Variants in DYNC1I1 observed in about 807,000 individuals in gnomAD.
The protein encoded by DYNC1I1 is cytoplasmic dynein 1 intermediate chain 1.
In DYNC1I1, 43 loss-of-function variants were observed where a neutral mutation model predicts 86.6. The ratio of observed to expected loss-of-function variants is 0.50; its 90% CI spans 0.39 to 0.64. DYNC1I1 has a LOEUF of 0.64. Among genes scored for constraint, DYNC1I1 ranks in the 30% least tolerant of loss-of-function variants. The probability of loss-of-function intolerance (pLI) is 0.00; values close to 1 mark genes in which losing one functional copy is unlikely to be tolerated. For missense variants in DYNC1I1, 604 were observed against 788.8 expected (o/e 0.77, Z 2.81); for synonymous variants, 262 against 283.7 (o/e 0.92, Z 0.77).
chr7:95,882,044 A>G (rs1278187465), intron 6 of DYNC1I1, among the ~76,000 whole-genome samples: 1 of 152,146 alleles, frequency 6.6e-6, no homozygotes, highest in African/African-American at 2.4e-5. Flanking sequence ...CAGCAGAACC[A>G]TTTAAAATTT....
chr7:96,080,640 T>C, intron 16 of DYNC1I1, 152 bp downstream of exon 16: 2 of 1,211,770 alleles, frequency 1.7e-6, no homozygotes, highest in Non-Finnish European at 2.4e-6. Flanking sequence ...TTGGCGAGAC[T>C]TCCTTAGGGC....
Position 95,949,511 on chromosome 7 carries a change from A to T in DYNC1I1, c.491-28001A>T, listed in dbSNP as rs186297712. 7.7e-4 allele frequency among the ~76,000 whole-genome samples: 117 copies of T among 152,342 alleles called. 1 individual carries two copies. The Middle Eastern group carries it at 0.01, about 13-fold the overall frequency. On this transcript the variant is annotated intron_variant, in intron 6 of 16. Transcript: ENST00000447467. ...TAACTTAAGCCTGGCTCACCAGAGT[A>T]TCTCGCTTTTAATGAAGAATTGCTT...
chr7:95,812,684 A>T (rs1046881008), intron 3 of DYNC1I1, among the ~76,000 whole-genome samples: 18 of 152,124 alleles, frequency 1.2e-4, no homozygotes, highest in Non-Finnish European at 1.9e-4. Flanking sequence ...TTCAACATTT[A>T]CCCTTTCTCT....
intron 4 of DYNC1I1, among the ~76,000 whole-genome samples, chr7:95,827,807 A>G (rs1795234233): frequency 1.3e-5 from 2 of 152,098 alleles, no homozygotes; most frequent in African/African-American, 2.4e-5. Context: ...GAGTTTGAAC[A>G]CTTGGTCTCA....
chr7:95,881,564 T>C (rs1790455877), intron 6 of DYNC1I1, among the ~76,000 whole-genome samples: 2 of 152,234 alleles, frequency 1.3e-5, no homozygotes, highest in African/African-American at 2.4e-5. Flanking sequence ...TGGGAACAAA[T>C]GATCTCTTTC....
chr7:96,006,278 G>A (rs545122015), intron 10 of DYNC1I1, among the ~76,000 whole-genome samples: 4 of 152,204 alleles, frequency 2.6e-5, no homozygotes, highest in South Asian at 2.1e-4. Context: ...GCGAGCATTC[G>A]AGAGAATCCA....
intron 14 of DYNC1I1, among the ~76,000 whole-genome samples, chr7:96,074,640 A>C (rs1790277721): frequency 6.6e-6 from 1 of 151,956 alleles, no homozygotes; most frequent in Admixed American, 6.6e-5. Flanking sequence ...AAGAGAACTC[A>C]CAGTTACTAC....
intron 15 of DYNC1I1, among the ~76,000 whole-genome samples, chr7:96,076,980 A>AT (rs988826664): frequency 5.9e-5 from 9 of 151,640 alleles, no homozygotes; most frequent in Middle Eastern, 3.4e-3. Context: ...AGCTACTTGG[A>AT]TTTTTTTTTA....
At chr7:95,965,962 T>C (rs1447036186) in intron 6 of DYNC1I1, among the ~76,000 whole-genome samples, 1 of 152,292 alleles carries the variant, frequency 6.6e-6, no homozygotes, top group East Asian at 1.9e-4. Context: ...CTATTCCTTC[T>C]TTTTCATGTT....
chr7:95,951,866 T>C (rs1792568479), intron 6 of DYNC1I1, among the ~76,000 whole-genome samples: 1 of 152,236 alleles, frequency 6.6e-6, no homozygotes, highest in Non-Finnish European at 1.5e-5. Context: ...AGGAAGCACC[T>C]GTCCTGATGC....
At chr7:95,920,979 T>A (rs1211031776) in intron 6 of DYNC1I1, among the ~76,000 whole-genome samples, 3 of 152,188 alleles carry the variant, frequency 2.0e-5, no homozygotes, top group African/African-American at 7.2e-5. Flanking sequence ...ATGGCCGCTT[T>A]CACATTCAGT....
intron 5 of DYNC1I1, 62 bp from the exon 6 acceptor site, chr7:95,869,821 C>T: frequency 6.8e-7 from 1 of 1,472,840 alleles, no homozygotes; most frequent in East Asian, 2.3e-5. Flanking sequence ...TCTTTTATTA[C>T]TGATAGCTCT....
intron 6 of DYNC1I1, among the ~76,000 whole-genome samples, chr7:95,927,520 G>A (rs576231441): frequency 1.1e-4 from 17 of 152,246 alleles, no homozygotes; most frequent in Admixed American, 3.3e-4. Flanking sequence ...ATACTATATA[G>A]ATGTTAAATT....
chr7:95,830,116 T>C (rs759846776), intron 5 of DYNC1I1, among the ~76,000 whole-genome samples: 1 of 152,150 alleles, frequency 6.6e-6, no homozygotes, highest in Non-Finnish European at 1.5e-5. Flanking sequence ...TAGATTTTTC[T>C]AGAGAGTTTT....
At chr7:95,803,588 GACA>G (rs775420407) in intron 1 of DYNC1I1, among the ~76,000 whole-genome samples, 15 of 152,284 alleles carry the variant, frequency 9.9e-5, no homozygotes, top group South Asian at 2.1e-4. Context: ...ACCGTCTGGG[GACA>G]ACGACAAAAA....
chr7:95,821,823 T>A (rs1795082537), intron 4 of DYNC1I1, among the ~76,000 whole-genome samples: 1 of 152,214 alleles, frequency 6.6e-6, no homozygotes, highest in African/African-American at 2.4e-5. Context: ...AGAACTTTAC[T>A]AATTTAAATG....
chr7:95,877,155 G>A (rs113076392), intron 6 of DYNC1I1, among the ~76,000 whole-genome samples: 159 of 152,196 alleles, frequency 1.0e-3, no homozygotes, highest in African/African-American at 3.6e-3. Context: ...TCCTGGAAGA[G>A]GCAAGACATT....
At chr7:95,842,815 C>T (rs549570574) in intron 5 of DYNC1I1, among the ~76,000 whole-genome samples, 15 of 152,050 alleles carry the variant, frequency 9.9e-5, no homozygotes, top group Non-Finnish European at 1.9e-4. Context: ...TGAGAGTTCT[C>T]AGCCTCCTAT....
intron 6 of DYNC1I1, among the ~76,000 whole-genome samples, chr7:95,944,004 A>G (rs1792319651): frequency 1.3e-5 from 2 of 152,238 alleles, no homozygotes; most frequent in African/African-American, 4.8e-5. Flanking sequence ...CAATGGCAAC[A>G]AAAGCCAAAA....
Sources: allele counts gnomAD v4.1 joint callset (sites outside exome capture counted in the v4.1 genomes callset), GRCh38; gene constraint gnomAD v4.1.1; transcripts MANE v1.5; gene names NCBI Gene and HGNC (gene_info 2026-07-23, HGNC 2026-07-21).